GCKR: variants seen among roughly 807,000 people sequenced by gnomAD.
The protein encoded by GCKR is glucokinase regulator.
GCKR carries 73 observed loss-of-function variants against 82.9 expected under a neutral mutation model. The observed-to-expected ratio is 0.88, with a 90% CI of 0.73 to 1.07. The LOEUF (loss-of-function observed/expected upper bound fraction) is 1.07. Among genes scored for constraint, GCKR ranks in the 50% least tolerant of loss-of-function variants. The probability of loss-of-function intolerance (pLI) is 0.00; values close to 1 mark genes in which losing one functional copy is unlikely to be tolerated. For synonymous variants in GCKR, 294 were observed against 291.8 expected, an observed-to-expected ratio of 1.01 and a Z score of -0.08; for missense variants, 784 against 782.1, an observed-to-expected ratio of 1.00 and a Z score of -0.03.
At chr2:27,498,642 C>A in intron 4 of GCKR, 82 bp from the exon 5 acceptor site, 1 of 858,156 alleles carries the variant, frequency 1.2e-6, no homozygotes. Flanking sequence ...ATTATATAGT[C>A]TCTGCCCTCT....
At chr2:27,503,668 A>G (rs764086607) in intron 9 of GCKR, 49 bp downstream of exon 9, 1 of 908,126 alleles carries the variant, frequency 1.1e-6, no homozygotes, top group Non-Finnish European at 1.9e-6. Flanking sequence ...ACACCTGGGA[A>G]CTGCTTGCCA....
intron 8 of GCKR, chr2:27,501,872 A>G (rs1669590101): frequency 2.5e-6 from 1 of 398,476 alleles, no homozygotes; most frequent in South Asian, 1.9e-5. Context: ...TGCCTGGGGA[A>G]TGTTACAAAA....
chr2:27,499,842 C>A (rs751100652), intron 7 of GCKR, among the ~76,000 whole-genome samples: 2 of 152,022 alleles, frequency 1.3e-5, no homozygotes, highest in Non-Finnish European at 2.9e-5. Flanking sequence ...ACTGTAAACT[C>A]CACCTCCCAG....
At chr2:27,507,482 C>A in intron 13 of GCKR, 171 bp downstream of exon 13, 1 of 692,680 alleles carries the variant, frequency 1.4e-6, no homozygotes. Flanking sequence ...GTGTGGAAAG[C>A]TCTAGATCCA....
rs371909870 is a variant in GCKR, at chr2:27,508,074, G to A, written c.1338G>A (p.Leu446=). ...LAHSTVGQTL[L]IPLKKLFPSI... ...ACAGCACCGTGGGTCAGACCTTGCT[G>A]GTGAGAGTCCAGCCGTGACAAAGGG... Residue 446 remains leucine (L), a splice_region_variant and synonymous_variant, in exon 15 of 19, where the codon CTG becomes CTA. Transcript: ENST00000264717. 2.0e-5 allele frequency: 32 copies of A among 1,610,792 alleles called. No individual in the cohort carries two copies. The highest frequency in any genetic ancestry group is 1.3e-4 in the African/African-American group (10 of 74,776).
chr2:27,521,353 T>G (rs1670148948), intron 17 of GCKR, among the ~76,000 whole-genome samples: 1 of 151,174 alleles, frequency 6.6e-6, no homozygotes, highest in Admixed American at 6.6e-5. Context: ...TTTTTTGAGA[T>G]GGAGTCTCAC....
rs918534602 is a variant in GCKR, at chr2:27,508,008, G to A, written c.1272G>A (p.Glu424=). Residue 424 remains glutamate, a synonymous_variant, in exon 15 of 19, where the codon GAG becomes GAA. Transcript: ENST00000264717. ...DNLTEVQTIV[E]QVKEKTNHIQ... ...TCACGGAGGTGCAGACTATAGTGGA[G>A]CAGGTGAAAGAGAAGACCAACCACA... 6.2e-7 allele frequency: 1 copy of A among 1,613,762 alleles called. No individual in the cohort carries two copies. Among genetic ancestry groups the A allele is most frequent in the Admixed American group, 1.7e-5 (1 of 60,022 alleles).
intron 8 of GCKR, among the ~76,000 whole-genome samples, chr2:27,502,229 C>T (rs1669602317): frequency 6.6e-6 from 1 of 152,204 alleles, no homozygotes; most frequent in Non-Finnish European, 1.5e-5. Flanking sequence ...ATCTGAAATA[C>T]TCCTAACCCT....
At chr2:27,497,184 T>G in intron 1 of GCKR, 60 bp from the exon 2 acceptor site, 1 of 1,592,700 alleles carries the variant, frequency 6.3e-7, no homozygotes, top group Non-Finnish European at 8.6e-7. Context: ...CACCTCCAGC[T>G]CAGCAGGCAT....
intron 17 of GCKR, among the ~76,000 whole-genome samples, chr2:27,520,389 C>T (rs1670122022): frequency 6.6e-6 from 1 of 152,068 alleles, no homozygotes; most frequent in South Asian, 2.1e-4. Context: ...TTCACCAAGT[C>T]CCAGAAGGGG....
At chr2:27,518,204 C>T (rs1416704860) in intron 16 of GCKR, among the ~76,000 whole-genome samples, 2 of 152,114 alleles carry the variant, frequency 1.3e-5, no homozygotes, top group African/African-American at 4.8e-5. Context: ...TGCCACCACT[C>T]CTAGCTAATT....
chr2:27,509,576 A>G, intron 16 of GCKR: 1 of 436,542 alleles, frequency 2.3e-6, no homozygotes, highest in Non-Finnish European at 4.7e-6. Flanking sequence ...TCCTAGACTC[A>G]AGTGATCCAC....
intron 16 of GCKR, among the ~76,000 whole-genome samples, chr2:27,517,927 A>G (rs1670049315): frequency 6.6e-6 from 1 of 152,214 alleles, no homozygotes; most frequent in Non-Finnish European, 1.5e-5. Flanking sequence ...TCGTTATCAT[A>G]TGAGCTTCTC....
rs1277191016 is a variant in GCKR, at chr2:27,512,827, G to T, written c.1422+4576G>T. On this transcript the variant is annotated intron_variant, in intron 16 of 18. Coordinates refer to ENST00000264717, the MANE Select transcript of GCKR (RefSeq NM_001486.4). ...TTTACTCCAGATGAGTTTCTCAGTT[G>T]TTCTTTATCTCTTTGATGACATTGA... is the stretch of plus-strand genomic sequence containing the variant. Among the ~76,000 whole-genome samples the T allele has an allele frequency of 5.9e-5, 9 of 152,260 alleles. No homozygotes were observed. In the East Asian group the frequency reaches 1.7e-3, roughly 29 times the overall value.
At chr2:27,516,740 G>C (rs1465345296) in intron 16 of GCKR, among the ~76,000 whole-genome samples, 1 of 152,140 alleles carries the variant, frequency 6.6e-6, no homozygotes, top group Non-Finnish European at 1.5e-5. Context: ...TCAATGGTTA[G>C]TGGTATAACC....
In GCKR at chr2:27,507,318, G is replaced by A. The variant is rs747389354; in HGVS notation, c.1143+7G>A. 1 of 1,584,760 alleles carries A rather than the reference G, an allele frequency of 6.3e-7. No individual in the cohort carries two copies. The highest frequency in any genetic ancestry group is 1.1e-5 in the South Asian group (1 of 90,524). The stretch of plus-strand genomic sequence containing the variant: ...GGCTGAGCTCACCAACCAGGTCGGA[G>A]AAGAACAGGACTTGGGGAAGCTGGG... On this transcript the variant is annotated splice_region_variant and intron_variant, in intron 13 of 18. Coordinates refer to ENST00000264717, the MANE Select transcript of GCKR (RefSeq NM_001486.4).
chr2:27,508,128 C>T, intron 15 of GCKR, 40 bp from the exon 16 acceptor site: 2 of 1,575,174 alleles, frequency 1.3e-6, no homozygotes, highest in Admixed American at 1.7e-5. Flanking sequence ...GCCAGGCCTT[C>T]CTGGAGATGC....
intron 1 of GCKR, 46 bp from the exon 2 acceptor site, chr2:27,497,198 T>C: frequency 6.2e-7 from 1 of 1,611,658 alleles, no homozygotes; most frequent in East Asian, 2.2e-5. Flanking sequence ...CAGGCATGAA[T>C]GAGGCTTTGG....
chr2:27,496,950 C>A lies in GCKR; in HGVS notation c.46C>A (p.Pro16Thr). Residue 16 changes from proline (P) to threonine (T), a missense_variant, in exon 1 of 19, where the codon CCT (proline) becomes ACT (threonine). Coordinates refer to ENST00000264717, the MANE Select transcript of GCKR (RefSeq NM_001486.4). Reference protein sequence around the residue: ...RFQHVIETPEPGKWELSGYEA... With the variant: ...RFQHVIETPETGKWELSGYEA... ...TCAACATGTCATTGAGACCCCGGAG[C>A]CTGGCAAGTGGGAGGTGAGACCCCT... 6.2e-7 allele frequency: 1 copy of A among 1,613,232 alleles called. No individual in the cohort carries two copies. The highest frequency in any genetic ancestry group is 1.3e-5 in the African/African-American group (1 of 74,986).
Sources: allele counts gnomAD v4.1 joint callset (sites outside exome capture counted in the v4.1 genomes callset), GRCh38; gene constraint gnomAD v4.1.1; transcripts MANE v1.5; gene names NCBI Gene and HGNC (gene_info 2026-07-23, HGNC 2026-07-21).